Variants in EDIL3 observed in about 807,000 individuals in gnomAD.
EDIL3 encodes the protein EGF-like repeat and discoidin I-like domain-containing protein 3.
A neutral mutation model predicts 67.4 loss-of-function variants in EDIL3; 37 were observed. The observed-to-expected ratio is 0.55, with a 90% CI of 0.42 to 0.72. The LOEUF is 0.72. Ranked by LOEUF, EDIL3 falls within the 30% of genes least tolerant of loss-of-function variation. The probability of loss-of-function intolerance (pLI) is 0.00; values close to 1 mark genes in which losing one functional copy is unlikely to be tolerated. For missense variants in EDIL3, 527 were observed against 586.3 expected (o/e 0.90, Z 1.04); for synonymous variants, 195 against 196.3 (o/e 0.99, Z 0.05).
At chr5:84,121,469 T>C (rs919051431) in intron 5 of EDIL3, among the ~76,000 whole-genome samples, 10 of 151,996 alleles carry the variant, frequency 6.6e-5, no homozygotes, top group African/African-American at 2.2e-4. Context: ...TGGCGTCCCC[T>C]TTATTGATCC....
intron 2 of EDIL3, among the ~76,000 whole-genome samples, chr5:84,235,233 T>G (rs1329792514): frequency 6.6e-6 from 1 of 152,168 alleles, no homozygotes; most frequent in Non-Finnish European, 1.5e-5. Flanking sequence ...GTGAAAAGTA[T>G]AACAAAGATG....
intron 6 of EDIL3, among the ~76,000 whole-genome samples, chr5:84,068,349 C>G (rs1044787773): frequency 4.6e-5 from 7 of 152,108 alleles, no homozygotes; most frequent in African/African-American, 1.7e-4. Flanking sequence ...AGTTTCACAT[C>G]TGATGTTGCT....
chr5:83,962,160 T>C (rs958686662), intron 10 of EDIL3, among the ~76,000 whole-genome samples: 7 of 151,544 alleles, frequency 4.6e-5, no homozygotes, highest in Admixed American at 2.0e-4. Flanking sequence ...CCTTGAATAT[T>C]TGAAGAAAGA....
chr5:84,089,877 A>G (rs1747134339), intron 6 of EDIL3, among the ~76,000 whole-genome samples: 1 of 152,186 alleles, frequency 6.6e-6, no homozygotes, highest in Non-Finnish European at 1.5e-5. Context: ...CCTTAATGTC[A>G]TCCTCAAAGA....
chr5:84,355,527 T>A (rs1263043834), intron 1 of EDIL3, among the ~76,000 whole-genome samples: 3 of 152,098 alleles, frequency 2.0e-5, no homozygotes, highest in Non-Finnish European at 4.4e-5. Flanking sequence ...GGTTTTCCTT[T>A]TACCAATCAG....
intron 4 of EDIL3, among the ~76,000 whole-genome samples, chr5:84,165,175 T>G (rs1471490394): frequency 6.6e-6 from 1 of 152,118 alleles, no homozygotes; most frequent in Non-Finnish European, 1.5e-5. Context: ...AAAATGTAAA[T>G]AAAGCATACA....
intron 1 of EDIL3, among the ~76,000 whole-genome samples, chr5:84,370,424 G>A (rs1330975231): frequency 6.6e-6 from 1 of 152,138 alleles, no homozygotes; most frequent in African/African-American, 2.4e-5. Flanking sequence ...TATGCTTGGA[G>A]GAAAGTTATT....
intron 3 of EDIL3, among the ~76,000 whole-genome samples, chr5:84,226,274 G>T (rs1427993724): frequency 1.3e-5 from 2 of 151,532 alleles, no homozygotes; most frequent in African/African-American, 2.4e-5. Context: ...ATACCATTCT[G>T]CATCAATTCT....
At chr5:84,253,837 A>G (rs115701540) in intron 2 of EDIL3, among the ~76,000 whole-genome samples, 14,188 of 151,790 alleles carry the variant, frequency 0.093, 739 homozygotes, top group Middle Eastern at 0.16. Context: ...TGTTATATTT[A>G]TGTATTATTT....
intron 6 of EDIL3, among the ~76,000 whole-genome samples, chr5:84,080,253 G>A (rs1746939722): frequency 7.9e-6 from 1 of 126,894 alleles, no homozygotes; most frequent in Non-Finnish European, 1.6e-5. Flanking sequence ...CCGAGATCGC[G>A]CTGCCACTAC....
In EDIL3 at chr5:84,137,438, A is replaced by G. The variant is rs1319865415; in HGVS notation, c.356-84T>C. The G allele has an allele frequency of 3.3e-6, 4 of 1,198,746 alleles. No homozygotes were observed. In the East Asian group the frequency reaches 9.5e-5, roughly 29 times the overall value. The allele number at this position is 1,198,746 out of a possible 1,614,324, so 74.3% of individuals were successfully genotyped here. A position where few individuals can be genotyped will look rare whatever the true frequency, so the allele number is the denominator to read the frequency against. On this transcript the variant is annotated intron_variant, in intron 4 of 10. Coordinates refer to ENST00000296591, the MANE Select transcript of EDIL3 (RefSeq NM_005711.5). ...GGAAAGTTTTAACATTTGAAATACA[A>G]ATGTCTTAGTAATGCTATTCCTTTG... is the stretch of plus-strand genomic sequence containing the variant.
intron 3 of EDIL3, among the ~76,000 whole-genome samples, chr5:84,211,437 C>T (rs1227739143): frequency 6.6e-6 from 1 of 152,104 alleles, no homozygotes; most frequent in African/African-American, 2.4e-5. Flanking sequence ...CCAAATAAAC[C>T]TCTTTATAAA....
At position 84,106,736 on chromosome 5, in the gene EDIL3, T is replaced by A; in HGVS notation, c.564A>T (p.Lys188Asn). 6.2e-7 allele frequency: 1 copy of A among 1,613,406 alleles called. No individual in the cohort carries two copies. The highest frequency in any genetic ancestry group is 8.5e-7 in the Non-Finnish European group (1 of 1,179,574). ...TAAGACGTGCATAGTAGGGATACCA[T>A]TTTTGGAGTCCAAAAAGAGCTCGGT... ...STHRALFGLQ[K>N]WYPYYARLNK... The change falls in exon 6 of 11, where the codon AAA becomes AAT. Residue 188 changes from lysine to asparagine, a missense_variant. By Grantham distance (94) the Lys-to-Asn change is moderately conservative. Around this residue, in one of 2 missense-constraint regions of EDIL3, gnomAD observed 494 missense variants for 522.5 expected, o/e 0.95. Transcript: ENST00000296591.
At chr5:84,243,494 A>T (rs1744839716) in intron 2 of EDIL3, among the ~76,000 whole-genome samples, 1 of 152,234 alleles carries the variant, frequency 6.6e-6, no homozygotes, top group Admixed American at 6.5e-5. Context: ...CCTTGTGTAG[A>T]TGAGTAACAA....
chr5:84,279,361 A>T (rs1745651208), intron 1 of EDIL3, among the ~76,000 whole-genome samples: 1 of 152,298 alleles, frequency 6.6e-6, no homozygotes, highest in Non-Finnish European at 1.5e-5. Flanking sequence ...CTGTTTACTT[A>T]TATTTACTTA....
intron 1 of EDIL3, among the ~76,000 whole-genome samples, chr5:84,325,293 T>C (rs1407286359): frequency 1.3e-5 from 2 of 151,668 alleles, no homozygotes; most frequent in Non-Finnish European, 2.9e-5. Context: ...GCAGCAAAAA[T>C]CTAATAATCT....
intron 9 of EDIL3, among the ~76,000 whole-genome samples, chr5:83,989,407 T>C (rs1038854990): frequency 1.3e-5 from 2 of 152,316 alleles, no homozygotes; most frequent in East Asian, 1.9e-4. Context: ...GGCTCCCAGA[T>C]AGCAGAGATA....
chr5:84,311,796 C>T (rs1467276044), intron 1 of EDIL3, among the ~76,000 whole-genome samples: 2 of 152,138 alleles, frequency 1.3e-5, no homozygotes, highest in Non-Finnish European at 2.9e-5. Context: ...ATCTGTTTAA[C>T]AAAGCACATC....
chr5:84,222,378 G>A (rs1299794220), intron 3 of EDIL3, among the ~76,000 whole-genome samples: 1 of 151,778 alleles, frequency 6.6e-6, no homozygotes, highest in South Asian at 2.1e-4. Context: ...TAATGTAAAT[G>A]ATTAAAATAT....
Sources: allele counts gnomAD v4.1 joint callset (sites outside exome capture counted in the v4.1 genomes callset), GRCh38; gene constraint gnomAD v4.1.1; regional missense constraint gnomAD v4.1.1; transcripts MANE v1.5; gene names NCBI Gene and HGNC (gene_info 2026-07-23, HGNC 2026-07-21).